Variants in DNAH3 observed in about 807,000 individuals in gnomAD.
The protein encoded by DNAH3 is axonemal beta dynein heavy chain 3.
A neutral mutation model predicts 432.5 loss-of-function variants in DNAH3; 332 were observed. That is an observed-to-expected ratio of 0.77 (90% CI 0.70 to 0.84). The LOEUF is 0.84. DNAH3 is among the 40% of genes least tolerant of loss of function. DNAH3 has a pLI of 0.00. For synonymous variants in DNAH3, 1,956 were observed against 1,900.2 expected, an observed-to-expected ratio of 1.03 and a Z score of -0.76; for missense variants, 4,861 against 5,114.0, an observed-to-expected ratio of 0.95 and a Z score of 1.51.
In DNAH3 at chr16:21,141,500, G is replaced by A. The variant is rs140762184; in HGVS notation, c.449-128C>T. The A allele has an allele frequency of 3.7e-3, 2,393 of 648,924 alleles. 8 individuals are homozygous for A. The highest frequency in any genetic ancestry group is 5.6e-3 in the Non-Finnish European group (2,109 of 379,928). 40.2% of individuals were successfully genotyped at this position (648,924 alleles called of 1,614,324 possible). ...GGGAGCGGACATGGTACGGTGTGAC[G>A]TGGCAGGAGATGTGGGCTCAGGTCT... On this transcript the variant is annotated intron_variant, in intron 3 of 61. Coordinates refer to ENST00000261383, the Ensembl canonical transcript of DNAH3.
chr16:21,071,448 A>G (rs1459662504), intron 21 of DNAH3, among the ~76,000 whole-genome samples: 1 of 152,026 alleles, frequency 6.6e-6, no homozygotes, highest in African/African-American at 2.4e-5. Context: ...TGTTGGGATT[A>G]CAGGCTTGAG....
exon 53 of DNAH3, chr16:20,964,457 G>A (rs1861806759): frequency 6.2e-7 from 1 of 1,614,074 alleles, no homozygotes; most frequent in Non-Finnish European, 8.5e-7. Flanking sequence ...GTTGCCTTGA[G>A]CAAGATAGGT....
At chr16:21,062,028 A>C (rs1001269118) in intron 25 of DNAH3, among the ~76,000 whole-genome samples, 1 of 152,164 alleles carries the variant, frequency 6.6e-6, no homozygotes, top group Admixed American at 6.6e-5. Flanking sequence ...AGTAATTTAT[A>C]CTTTACTCAT....
At chr16:20,990,218 C>T (rs1239443435) in intron 44 of DNAH3, among the ~76,000 whole-genome samples, 1 of 152,218 alleles carries the variant, frequency 6.6e-6, no homozygotes, top group African/African-American at 2.4e-5. Context: ...TTTCACTTAC[C>T]TTATACGCGC....
intron 36 of DNAH3, among the ~76,000 whole-genome samples, chr16:21,033,315 AAAAAC>A: frequency 6.6e-6 from 1 of 152,364 alleles, no homozygotes; most frequent in Middle Eastern, 3.4e-3. Context: ...TGTGTTTTAT[AAAAAC>A]AAAACAAAAC....
In DNAH3 at chr16:21,005,169, C is replaced by T. The variant is rs1030135544; in HGVS notation, c.6023-1962G>A. Among the ~76,000 whole-genome samples the T allele has an allele frequency of 2.3e-3, 355 of 151,102 alleles. 5 individuals carry two copies. Among genetic ancestry groups the T allele is most frequent in the Non-Finnish European group, 3.4e-3 (234 of 67,834 alleles). On this transcript the variant is annotated intron_variant, in intron 41 of 61. Coordinates refer to ENST00000261383, the Ensembl canonical transcript of DNAH3. ...TCTCGTCTCTTTCTTTTCTTTCTTT[C>T]TTTTTCTTTTTCTTTCTCTTTCTCT...
intron 14 of DNAH3, among the ~76,000 whole-genome samples, chr16:21,110,564 C>T (rs750530502): frequency 6.6e-6 from 1 of 152,152 alleles, no homozygotes; most frequent in Non-Finnish European, 1.5e-5. Flanking sequence ...GGGCCTGAAG[C>T]TAGAAACCCT....
intron 26 of DNAH3, 125 bp downstream of exon 26, chr16:21,060,139 G>A: frequency 1.4e-6 from 1 of 733,960 alleles, no homozygotes. Flanking sequence ...GGAAAGAGAG[G>A]TGCAGAGGGA....
intron 57 of DNAH3, among the ~76,000 whole-genome samples, chr16:20,948,215 TC>T (rs2084140925): frequency 1.3e-5 from 2 of 152,310 alleles, no homozygotes; most frequent in South Asian, 4.1e-4. Context: ...CTTCCAAGGC[TC>T]CATCTTAATC....
chr16:21,121,018 G>A lies in DNAH3; in HGVS notation c.1585-164C>T, dbSNP rs903897219. On this transcript the variant is annotated intron_variant, in intron 10 of 61. Coordinates refer to ENST00000261383, the Ensembl canonical transcript of DNAH3. ...AGTACCAGATTGCAAAGAGAAGAAT[G>A]CTTGGGCCTCCTTGCACTGCAACCT... 17 of 705,540 alleles carry A rather than the reference G, an allele frequency of 2.4e-5. No homozygotes were observed. The African/African-American group carries it at 2.8e-4, about 12-fold the overall frequency. 43.7% of individuals were successfully genotyped at this position (705,540 alleles called of 1,614,324 possible). A position where few individuals can be genotyped will look rare whatever the true frequency, so the allele number is the denominator to read the frequency against.
intron 54 of DNAH3, among the ~76,000 whole-genome samples, chr16:20,958,855 C>T (rs2084686852): frequency 1.3e-5 from 2 of 152,090 alleles, no homozygotes; most frequent in African/African-American, 4.8e-5. Flanking sequence ...ACAACCTCTG[C>T]CTCCTGGGTT....
At chr16:21,060,828 CT>C (rs34315223) in intron 25 of DNAH3, among the ~76,000 whole-genome samples, 48,978 of 117,940 alleles carry the variant, frequency 0.42, 10,087 homozygotes, top group East Asian at 0.76. Context: ...CTGGTCTCTT[CT>C]TTTTTTTTTT....
rs1303423897 is a variant in DNAH3, at chr16:21,054,408, C to T, written c.4039+12G>A. On this transcript the variant is annotated intron_variant, in intron 28 of 61. Transcript: ENST00000261383. ...GATAGTCAGTAATGACAGGGGAAGC[C>T]CCCTGGCTTACCGTGGACATCGATG... is the stretch of plus-strand genomic sequence containing the variant. 6.2e-7 allele frequency: 1 copy of T among 1,603,092 alleles called. No homozygotes were observed. Among genetic ancestry groups the T allele is most frequent in the Non-Finnish European group, 8.5e-7 (1 of 1,170,136 alleles).
At chr16:21,098,688 T>C in exon 17 of DNAH3, 1 of 1,614,074 alleles carries the variant, frequency 6.2e-7, no homozygotes. Context: ...GCTTCATTTC[T>C]TCTGTAGTCA....
At chr16:21,048,587 A>G (rs1384619665) in intron 31 of DNAH3, among the ~76,000 whole-genome samples, 1 of 152,082 alleles carries the variant, frequency 6.6e-6, no homozygotes, top group East Asian at 1.9e-4. Flanking sequence ...GGCACTCCCG[A>G]GTGAGATGAA....
In DNAH3 at chr16:20,997,273, C is replaced by T; in HGVS notation, c.6601+10G>A. 1 of 1,612,990 alleles carries T rather than the reference C, an allele frequency of 6.2e-7. No individual in the cohort carries two copies. The highest frequency in any genetic ancestry group is 8.5e-7 in the Non-Finnish European group (1 of 1,179,410). On this transcript the variant is annotated intron_variant, in intron 44 of 61. Transcript: ENST00000261383. ...GAGGGAAAGAGGAATGAGCTCTTCC[C>T]TTCACATACCAGTAATGTCATTCCT...
intron 41 of DNAH3, 55 bp downstream of exon 41, chr16:21,019,569 A>C: frequency 5.2e-5 from 83 of 1,597,090 alleles, no homozygotes; most frequent in Non-Finnish European, 6.9e-5. Context: ...GGTTGTGTTT[A>C]GAACACGTAA....
rs758081495 is a variant in DNAH3, at chr16:20,963,922, G to T, written c.9962C>A (p.Ser3321Tyr). 1.9e-6 allele frequency: 3 copies of T among 1,614,022 alleles called. No individual in the cohort carries two copies. The highest frequency in any genetic ancestry group is 2.5e-6 in the Non-Finnish European group (3 of 1,180,048). ...GTAGAGATTTATGAACCAAGTCAGG[G>T]AGTACTGGTACATCGGCTCGATGTT... The change falls in exon 53 of 62, where the codon TCC becomes TAC. Residue 3321 changes from serine to tyrosine, a missense_variant. Physicochemically the swap from Ser to Tyr is moderately radical, Grantham distance 144. Transcript: ENST00000261383.
exon 39 of DNAH3, chr16:21,024,617 G>A: frequency 6.2e-7 from 1 of 1,611,826 alleles, no homozygotes; most frequent in Non-Finnish European, 8.5e-7. Flanking sequence ...GCTCCTTGGT[G>A]AGACTGGAGG....
Sources: gnomAD v4.1 joint callset for allele counts (sites outside exome capture counted in the v4.1 genomes callset) on GRCh38, gnomAD v4.1.1 for gene constraint, MANE v1.5 for transcripts, NCBI Gene and HGNC (gene_info 2026-07-23, HGNC 2026-07-21) for gene names.